The following DHRS7 variants were observed in gnomAD, a reference collection of about 807,000 sequenced individuals.
DHRS7 encodes dehydrogenase/reductase 7.
DHRS7 carries 34 observed loss-of-function variants against 38.9 expected under a neutral mutation model. That is an observed-to-expected ratio of 0.87 (90% CI 0.66 to 1.16). DHRS7 has a LOEUF of 1.16. DHRS7 is among the 50% of genes most tolerant of loss of function. The pLI is 0.00. For missense variants in DHRS7, 421 were observed against 407.0 expected (o/e 1.03, Z -0.30); for synonymous variants, 158 against 153.1 (o/e 1.03, Z -0.24).
rs1896582811 is a variant in DHRS7, at chr14:60,153,106, T to C, written c.466A>G (p.Arg156Gly). 6.2e-7 allele frequency: 1 copy of C among 1,614,218 alleles called. No homozygotes were observed. Among genetic ancestry groups the C allele is most frequent in the Non-Finnish European group, 8.5e-7 (1 of 1,180,020 alleles). ...AAGTAGTTAAGCTCTATTAGCTTTC[T>C]GTAGACATCCAAGCTGGTATCCATG... ...LCMDTSLDVY[R>G]KLIELNYLGT... The change falls in exon 4 of 7, where the codon AGA (arginine) becomes GGA (glycine). Residue 156 changes from arginine (R) to glycine (G), a missense_variant. By Grantham distance (125) the Arg-to-Gly change is moderately radical. Transcript: ENST00000557185. The surrounding 1 kb of genome is among the most constrained non-coding windows in gnomAD (Gnocchi z 4.4).
Position 60,153,055 on chromosome 14 carries a change from C to T in DHRS7, c.517G>A (p.Val173Ile), listed in dbSNP as rs749902791. 27 of 1,614,214 alleles carry T rather than the reference C, an allele frequency of 1.7e-5. No individual in the cohort carries two copies. In the South Asian group the frequency reaches 2.7e-4, roughly 16 times the overall value. ...TTCCTCTCGATCATGTGAGGCAGAA[C>T]ACATTTTGTCAAGGACACCGTCCCT... The part of the protein sequence containing the change: ...YLGTVSLTKC[V>I]LPHMIERKQG... Residue 173 changes from valine (V) to isoleucine (I), a missense_variant, in exon 4 of 7, where the codon GTT (valine) becomes ATT (isoleucine). Coordinates refer to ENST00000557185, the MANE Select transcript of DHRS7 (RefSeq NM_016029.4). The surrounding 1 kb of genome is among the most constrained non-coding windows in gnomAD (Gnocchi z 4.4).
chr14:60,144,987 G>T lies in DHRS7; in HGVS notation c.999C>A (p.Ile333=), dbSNP rs779528610. ...GVDADSSYFK[I]FKTKHD ...CTTTTCAGTCATGTTTTGTCTTAAA[G>T]ATTTTAAAATAAGAAGAGTCTGCAT... is the stretch of plus-strand genomic sequence containing the variant. Residue 333 remains isoleucine (I), a synonymous_variant, in exon 7 of 7, where the codon ATC becomes ATA. Transcript: ENST00000557185. 5 of 1,602,640 alleles carry T rather than the reference G, an allele frequency of 3.1e-6. No homozygotes were observed. The highest frequency in any genetic ancestry group is 4.2e-6 in the Non-Finnish European group (5 of 1,176,804).
At chr14:60,167,500 CAGGCCCATTCATGGCAGCTA>C (rs566587115), upstream of DHRS7, among the ~76,000 whole-genome samples, 18 of 152,106 alleles carry the variant, frequency 1.2e-4, no homozygotes, top group Admixed American at 7.2e-4. Flanking sequence ...GGTCTGGGGT[CAGGCCCATTCATGGCAGCTA>C]AGGCCCATTC....
chr14:60,151,826 T>TA (rs1896552247), intron 4 of DHRS7, among the ~76,000 whole-genome samples: 1 of 152,144 alleles, frequency 6.6e-6, no homozygotes. Context: ...AATCCAGTAA[T>TA]AAAATAATGA....
upstream of DHRS7, chr14:60,165,422 C>T: frequency 7.0e-7 from 1 of 1,424,946 alleles, no homozygotes; most frequent in East Asian, 2.7e-5. The surrounding 1 kb of genome is among the most constrained non-coding windows in gnomAD (Gnocchi z 4.6). Flanking sequence ...CCGCACTGCC[C>T]CGGCTCCGCC....
At chr14:60,160,343 C>CTTTTT (rs752997109) in intron 1 of DHRS7, among the ~76,000 whole-genome samples, 6 of 116,792 alleles carry the variant, frequency 5.1e-5, no homozygotes, top group African/African-American at 1.9e-4. Flanking sequence ...AAAAAAACTT[C>CTTTTT]TTTTTTTTTT....
upstream of DHRS7, chr14:60,168,781 A>G (rs781741367): frequency 6.5e-7 from 1 of 1,541,796 alleles, no homozygotes; most frequent in South Asian, 1.2e-5. Flanking sequence ...TTCTTAAATC[A>G]TACTCCATCC....
intron 1 of DHRS7, among the ~76,000 whole-genome samples, chr14:60,158,444 A>G (rs1477959472): frequency 2.6e-5 from 4 of 152,082 alleles, no homozygotes; most frequent in Admixed American, 6.5e-5. Context: ...AAGTTCTGCA[A>G]TCATCACACT....
intron 4 of DHRS7, chr14:60,152,696 G>A (rs560732208): frequency 5.8e-6 from 3 of 518,098 alleles, no homozygotes; most frequent in African/African-American, 5.7e-5. Context: ...TATCCCCAGG[G>A]TCTGTTGTAG....
intron 1 of DHRS7, among the ~76,000 whole-genome samples, chr14:60,164,954 T>TC (rs1896836706): frequency 6.6e-6 from 1 of 152,204 alleles, no homozygotes; most frequent in African/African-American, 2.4e-5. Flanking sequence ...GAATGGCAAG[T>TC]CCATGCCATC....
rs1332635383 is a variant in DHRS7, at chr14:60,148,742, G to C, written c.972+611C>G. On this transcript the variant is annotated intron_variant, in intron 6 of 6. Transcript: ENST00000557185. The surrounding 1 kb of genome is among the most constrained non-coding windows in gnomAD (Gnocchi z 4.8). ...GGTGACATGGGAGTTGAGACTGGTA[G>C]GATGGGTAGGAGTTGGTGGGGAGAA... Among the ~76,000 whole-genome samples, 1 of 152,082 alleles carries C rather than the reference G, an allele frequency of 6.6e-6. No individual in the cohort carries two copies. Among genetic ancestry groups the C allele is most frequent in the Non-Finnish European group, 1.5e-5 (1 of 68,022 alleles).
chr14:60,160,145 G>A (rs1896734900), intron 1 of DHRS7, among the ~76,000 whole-genome samples: 1 of 151,998 alleles, frequency 6.6e-6, no homozygotes, highest in Admixed American at 6.5e-5. Context: ...GGCCAACATG[G>A]CGAAACCCCA....
Position 60,153,020 on chromosome 14 carries a change from CT to C in DHRS7, c.551del (p.Lys184ArgfsTer5), listed in dbSNP as rs1313492024. On this transcript the variant is annotated frameshift_variant, in exon 4 of 7. Coordinates refer to ENST00000557185, the MANE Select transcript of DHRS7 (RefSeq NM_016029.4). LOFTEE classifies it high-confidence loss of function. This position sits in a 1 kb window ranked among gnomAD's most constrained non-coding sequence, Gnocchi z 4.4. ...LPHMIERKQGKIVTVNSILGI... is the reference protein window; with the variant it reads ...LPHMIERKQGXIVTVNSILGI... ...CCAGGATGCTATTCACAGTAACAAT[CT>C]TTCCTTGCTTCCTCTCGATCATGTG... The C allele has an allele frequency of 3.1e-6, 5 of 1,614,100 alleles. No homozygotes were observed. In the Admixed American group the frequency reaches 5.0e-5, roughly 16 times the overall value.
chr14:60,166,285 A>G, upstream of DHRS7: 13 of 985,434 alleles, frequency 1.3e-5, no homozygotes, highest in Non-Finnish European at 1.4e-5. Context: ...CAAGCCTCAG[A>G]GGGACCCAGT....
chr14:60,151,002 G>A (rs1896533272), intron 4 of DHRS7, among the ~76,000 whole-genome samples: 1 of 152,142 alleles, frequency 6.6e-6, no homozygotes, highest in African/African-American at 2.4e-5. Context: ...GAGAATCACT[G>A]AGGTCAGGTT....
In DHRS7 at chr14:60,165,206, A is replaced by T; in HGVS notation, c.104T>A (p.Leu35Gln). ...GCGTCGTCCCTGCCACTCGGCCCAT[A>T]GTAGCGTCAGGTCGCCGTCAGCCCT... ...FLRADGDLTL[L>Q]WAEWQGRRPE... The change falls in exon 1 of 7, where the codon CTA becomes CAA. Residue 35 changes from leucine to glutamine, a missense_variant. Transcript: ENST00000557185. The surrounding 1 kb of genome is among the most constrained non-coding windows in gnomAD (Gnocchi z 4.6). 1 of 1,612,838 alleles carries T rather than the reference A, an allele frequency of 6.2e-7. No homozygotes were observed. Among genetic ancestry groups the T allele is most frequent in the South Asian group, 1.1e-5 (1 of 90,990 alleles).
At chr14:60,156,227 AAAG>A (rs1441690035) in intron 1 of DHRS7, 75 bp from the exon 2 acceptor site, 4 of 1,284,742 alleles carry the variant, frequency 3.1e-6, no homozygotes, top group East Asian at 2.8e-5. Context: ...TAGAAAAAAA[AAAG>A]AAAGCCTTAA....
At chr14:60,169,157 A>AAAAAAAAAAAAAC (rs1566539386), upstream of DHRS7, 19 of 150,226 alleles carry the variant, frequency 1.3e-4, 1 homozygote, top group East Asian at 1.5e-3. Context: ...AAAAAAAAAA[A>AAAAAAAAAAAAAC]AAAACCATTG....
In DHRS7 at chr14:60,145,030, G is replaced by A; in HGVS notation, c.973-17C>T. 1.3e-6 allele frequency: 2 copies of A among 1,571,222 alleles called. No homozygotes were observed. Among genetic ancestry groups the A allele is most frequent in the African/African-American group, 1.4e-5 (1 of 71,714 alleles). ...GTCTGCATCCTGTAAAAGAGGGACA[G>A]AAACATGGATCAGTACCTACTCCTA... On this transcript the variant is annotated splice_polypyrimidine_tract_variant and intron_variant, in intron 6 of 6. Coordinates refer to ENST00000557185, the MANE Select transcript of DHRS7 (RefSeq NM_016029.4). This position sits in a 1 kb window ranked among gnomAD's most constrained non-coding sequence, Gnocchi z 4.0.
Sources: gnomAD v4.1 joint callset for allele counts (sites outside exome capture counted in the v4.1 genomes callset) on GRCh38, gnomAD v4.1.1 for gene constraint, Gnocchi (gnomAD v3.1) non-coding constraint, MANE v1.5 for transcripts, NCBI Gene and HGNC (gene_info 2026-07-23, HGNC 2026-07-21) for gene names.